SPMIP2: variants seen among roughly 807,000 people sequenced by gnomAD.
SPMIP2 encodes the protein sperm microtubule inner protein 2.
At chr4:159,005,389 AG>A in the SPMIP2 span, among the ~76,000 whole-genome samples, 1 of 152,142 alleles carries the variant, frequency 6.6e-6, no homozygotes, top group Non-Finnish European at 1.5e-5. Context: ...AGTTGCAGTG[AG>A]CCGAGATCAC....
At chr4:158,967,566 T>C in the SPMIP2 span, among the ~76,000 whole-genome samples, 1 of 152,238 alleles carries the variant, frequency 6.6e-6, no homozygotes, top group African/African-American at 2.4e-5. Flanking sequence ...TTTGCTTTTA[T>C]AAGTTAGTTG....
chr4:159,052,959 T>TA, the SPMIP2 span, among the ~76,000 whole-genome samples: 374 of 138,188 alleles, frequency 2.7e-3, 5 homozygotes, highest in African/African-American at 9.3e-3. Flanking sequence ...ATTATTATTT[T>TA]TTTTTTTTTT....
chr4:159,035,634 A>G, the SPMIP2 span, among the ~76,000 whole-genome samples: 1 of 152,242 alleles, frequency 6.6e-6, no homozygotes, highest in African/African-American at 2.4e-5. Flanking sequence ...TTCCAGTCTC[A>G]TATTCCAATC....
chr4:159,072,237 C>T, the SPMIP2 span, among the ~76,000 whole-genome samples: 3 of 152,100 alleles, frequency 2.0e-5, no homozygotes, highest in African/African-American at 7.2e-5. Context: ...TCACCTAAGG[C>T]TGGGAAGTAA....
the SPMIP2 span, among the ~76,000 whole-genome samples, chr4:159,073,680 G>A: frequency 0.19 from 28,338 of 152,048 alleles, 2,689 homozygotes; most frequent in Admixed American, 0.25. Context: ...ATCTGGACTA[G>A]AAATATGTCC....
chr4:158,984,959 C>A, the SPMIP2 span, among the ~76,000 whole-genome samples: 2 of 151,888 alleles, frequency 1.3e-5, no homozygotes, highest in African/African-American at 2.4e-5. Context: ...ATATCACCAC[C>A]GATCCCATAG....
chr4:159,019,155 A>G, the SPMIP2 span, among the ~76,000 whole-genome samples: 7 of 152,102 alleles, frequency 4.6e-5, no homozygotes, highest in Non-Finnish European at 1.5e-5. Context: ...CCCCAGCTGG[A>G]GTTGCCCAAA....
chr4:159,046,980 G>A, the SPMIP2 span, among the ~76,000 whole-genome samples: 77 of 152,198 alleles, frequency 5.1e-4, no homozygotes, highest in African/African-American at 1.7e-3. Context: ...GTGGTAAGGC[G>A]GGGTTGATGG....
the SPMIP2 span, among the ~76,000 whole-genome samples, chr4:159,058,196 T>TTC: frequency 6.6e-6 from 1 of 151,784 alleles, no homozygotes; most frequent in Non-Finnish European, 1.5e-5. Context: ...CTTTTTTTTT[T>TTC]TTTCTTTAAA....
chr4:158,943,206 G>A, the SPMIP2 span, among the ~76,000 whole-genome samples: 8 of 152,094 alleles, frequency 5.3e-5, no homozygotes, highest in Admixed American at 5.2e-4. Flanking sequence ...TTAATATCAG[G>A]CCTTTAAAGC....
At chr4:158,998,996 CA>C in the SPMIP2 span, among the ~76,000 whole-genome samples, 2 of 151,742 alleles carry the variant, frequency 1.3e-5, no homozygotes, top group Non-Finnish European at 2.9e-5. Context: ...CCTGTCTCTA[CA>C]AAAAAAATTT....
At chr4:159,053,247 C>A in the SPMIP2 span, among the ~76,000 whole-genome samples, 1 of 152,134 alleles carries the variant, frequency 6.6e-6, no homozygotes, top group Non-Finnish European at 1.5e-5. Flanking sequence ...TGAGCCACCG[C>A]GCCCGGCCGA....
At chr4:158,919,309 A>T in the SPMIP2 span, among the ~76,000 whole-genome samples, 1 of 152,352 alleles carries the variant, frequency 6.6e-6, no homozygotes, top group East Asian at 1.9e-4. Context: ...TTGCAAAAGA[A>T]TCCAGTTCAG....
chr4:159,054,718 T>C, the SPMIP2 span, among the ~76,000 whole-genome samples: 53,102 of 152,058 alleles, frequency 0.35, 9,720 homozygotes, highest in East Asian at 0.65. Context: ...CTGAGGACAG[T>C]GGCCATCCCC....
chr4:158,911,203 G>A, the SPMIP2 span, among the ~76,000 whole-genome samples: 2 of 152,126 alleles, frequency 1.3e-5, no homozygotes, highest in South Asian at 2.1e-4. Flanking sequence ...AAGGCCCAGC[G>A]CGGTGGCTCA....
chr4:159,020,071 G>C, the SPMIP2 span, among the ~76,000 whole-genome samples: 1 of 151,354 alleles, frequency 6.6e-6, no homozygotes, highest in Admixed American at 6.6e-5. Flanking sequence ...AGTGAGCCGA[G>C]ATTGTGCCAC....
At chr4:158,999,164 C>A in the SPMIP2 span, among the ~76,000 whole-genome samples, 3 of 98,426 alleles carry the variant, frequency 3.0e-5, no homozygotes, top group African/African-American at 1.2e-4. Flanking sequence ...GAGTGAGACC[C>A]TGCCTCAAAA....
At chr4:158,963,177 G>A in the SPMIP2 span, among the ~76,000 whole-genome samples, 1 of 151,972 alleles carries the variant, frequency 6.6e-6, no homozygotes, top group African/African-American at 2.4e-5. Flanking sequence ...AGTAGAGAGA[G>A]ACATTAATAC....
At chr4:158,894,798 C>T in the SPMIP2 span, among the ~76,000 whole-genome samples, 3 of 152,102 alleles carry the variant, frequency 2.0e-5, no homozygotes, top group Non-Finnish European at 4.4e-5. Flanking sequence ...GTGTTTCATC[C>T]ACCTGACACA....
Sources: allele counts gnomAD v4.1 joint callset (sites outside exome capture counted in the v4.1 genomes callset), GRCh38; gene constraint gnomAD v4.1.1; transcripts MANE v1.5; gene names NCBI Gene and HGNC (gene_info 2026-07-23, HGNC 2026-07-21).